SLC22A23: variants seen among roughly 807,000 people sequenced by gnomAD.
The protein encoded by SLC22A23 is ion transporter protein.
Under a neutral mutation model 61.0 loss-of-function variants are expected in SLC22A23, and 26 were observed. The ratio of observed to expected loss-of-function variants is 0.43; its 90% CI spans 0.31 to 0.59. SLC22A23 has a LOEUF of 0.59. Among genes scored for constraint, SLC22A23 ranks in the 20% least tolerant of loss-of-function variants. The probability of loss-of-function intolerance (pLI) is 0.11; values close to 1 mark genes in which losing one functional copy is unlikely to be tolerated. For missense variants in SLC22A23, 796 were observed against 934.7 expected (o/e 0.85, Z 1.94); for synonymous variants, 430 against 413.9 (o/e 1.04, Z -0.47).
At chr6:3,422,539 T>C (rs1293835308) in intron 1 of SLC22A23, among the ~76,000 whole-genome samples, 1 of 152,190 alleles carries the variant, frequency 6.6e-6, no homozygotes, top group Non-Finnish European at 1.5e-5. Flanking sequence ...CAAGATATAC[T>C]GCATGACTTG....
At position 3,372,899 on chromosome 6, in the gene SLC22A23, C is replaced by T. The variant is rs1766316951; in HGVS notation, c.913+37289G>A. On this transcript the variant is annotated intron_variant, in intron 3 of 9. Transcript: ENST00000406686. This position sits in a 1 kb window ranked among gnomAD's most constrained non-coding sequence, Gnocchi z 4.7. ...GAGTCAGGATTCTTCCGTAAAACTC[C>T]AATTAGCCAAAAGCTTGCCCAGTCC... Among the ~76,000 whole-genome samples, 1 of 152,172 alleles carries T rather than the reference C, an allele frequency of 6.6e-6. No individual in the cohort carries two copies. Among genetic ancestry groups the T allele is most frequent in the African/African-American group, 2.4e-5 (1 of 41,432 alleles).
chr6:3,336,120 TCTC>T (rs1414754260), intron 3 of SLC22A23, among the ~76,000 whole-genome samples: 4 of 151,644 alleles, frequency 2.6e-5, no homozygotes, highest in Non-Finnish European at 4.4e-5. Flanking sequence ...TCTGGACTCT[TCTC>T]CTAGGAGTGC....
chr6:3,364,377 G>C (rs575609866), intron 3 of SLC22A23, among the ~76,000 whole-genome samples: 2 of 152,324 alleles, frequency 1.3e-5, no homozygotes, highest in Non-Finnish European at 2.9e-5. Context: ...ACAGAGCTAA[G>C]AAGGTCTCAA....
chr6:3,281,660 G>A (rs982292755), intron 9 of SLC22A23, among the ~76,000 whole-genome samples: 3 of 152,010 alleles, frequency 2.0e-5, no homozygotes, highest in Non-Finnish European at 4.4e-5. Context: ...TGAAGTGGGG[G>A]GATGGTAGGG....
At chr6:3,448,837 T>C (rs114733279) in intron 1 of SLC22A23, among the ~76,000 whole-genome samples, 2,066 of 152,264 alleles carry the variant, frequency 0.014, 19 homozygotes, top group African/African-American at 0.019. Context: ...CTCAATCCTA[T>C]CTTGGACTAA....
rs1001530591 is a variant in SLC22A23 at position 3,322,694 on chromosome 6, A to G, written c.1082+1140T>C. On this transcript the variant is annotated intron_variant, in intron 4 of 9. Transcript: ENST00000406686. This position sits in a 1 kb window ranked among gnomAD's most constrained non-coding sequence, Gnocchi z 4.1. The stretch of plus-strand genomic sequence containing the variant: ...AACCGCACCTGCACCCTCGCAGTAC[A>G]TCTACTACCAGGGCAGGGGCGGGGG... 5.8e-4 allele frequency among the ~76,000 whole-genome samples: 89 copies of G among 152,164 alleles called. No homozygotes were observed. Among genetic ancestry groups the G allele is most frequent in the Non-Finnish European group, 6.6e-4 (45 of 68,020 alleles).
At chr6:3,442,160 G>A (rs553702722) in intron 1 of SLC22A23, among the ~76,000 whole-genome samples, 56 of 152,180 alleles carry the variant, frequency 3.7e-4, no homozygotes, top group Non-Finnish European at 6.5e-4. Flanking sequence ...ATCACGCTGA[G>A]CGACATGAGC....
At chr6:3,455,104 G>A (rs892133186) in intron 1 of SLC22A23, among the ~76,000 whole-genome samples, 3 of 152,118 alleles carry the variant, frequency 2.0e-5, no homozygotes, top group African/African-American at 7.2e-5. Context: ...CTGTGTTTAG[G>A]CCTTCACACT....
At chr6:3,443,935 A>G (rs1771748505) in intron 1 of SLC22A23, among the ~76,000 whole-genome samples, 1 of 152,176 alleles carries the variant, frequency 6.6e-6, no homozygotes, top group Non-Finnish European at 1.5e-5. Flanking sequence ...GTGTCCTAAA[A>G]GACACTCCCC....
chr6:3,300,989 A>AT (rs11430115), intron 4 of SLC22A23, among the ~76,000 whole-genome samples: 123,825 of 151,884 alleles, frequency 0.82, 50,707 homozygotes, highest in Non-Finnish European at 0.83. Flanking sequence ...GCAGGCACTG[A>AT]TTTTTTTTAA....
intron 3 of SLC22A23, among the ~76,000 whole-genome samples, chr6:3,335,343 T>C (rs1401256564): frequency 1.3e-5 from 2 of 152,188 alleles, no homozygotes; most frequent in African/African-American, 4.8e-5. Flanking sequence ...TTGGGCCATC[T>C]TGTTTTTGAC....
chr6:3,307,333 C>G (rs913403671), intron 4 of SLC22A23, among the ~76,000 whole-genome samples: 2 of 152,028 alleles, frequency 1.3e-5, no homozygotes, highest in East Asian at 1.9e-4. Context: ...GAGGTCTCGT[C>G]TGAAGGTGAA....
chr6:3,383,702 C>T (rs926708779), intron 3 of SLC22A23, among the ~76,000 whole-genome samples: 4 of 151,788 alleles, frequency 2.6e-5, no homozygotes, highest in African/African-American at 7.3e-5. Context: ...AGTGTTCTGG[C>T]GAAAGTCCAG....
chr6:3,337,256 C>T (rs114543339), intron 3 of SLC22A23, among the ~76,000 whole-genome samples: 2,165 of 152,296 alleles, frequency 0.014, 34 homozygotes, highest in Middle Eastern at 0.041. Context: ...TGGAGCAAAT[C>T]GCCAGCCCAC....
intron 5 of SLC22A23, 161 bp from the exon 6 acceptor site, chr6:3,290,027 C>G (rs541847879): frequency 1.5e-6 from 1 of 663,752 alleles, no homozygotes; most frequent in South Asian, 1.7e-5. Context: ...TCTAGGTTTC[C>G]AGGATAGAAA....
At chr6:3,423,381 G>A (rs372988277) in intron 1 of SLC22A23, among the ~76,000 whole-genome samples, 1 of 152,126 alleles carries the variant, frequency 6.6e-6, no homozygotes, top group African/African-American at 2.4e-5. Flanking sequence ...GTTCTTATTC[G>A]TTTTGTACAG....
intron 3 of SLC22A23, among the ~76,000 whole-genome samples, chr6:3,326,216 A>G (rs1327160225): frequency 1.3e-5 from 2 of 152,210 alleles, no homozygotes; most frequent in African/African-American, 4.8e-5. Flanking sequence ...TCTTAGTGTG[A>G]CTGTCAATAT....
intron 3 of SLC22A23, among the ~76,000 whole-genome samples, chr6:3,404,839 C>A (rs1313782849): frequency 6.6e-6 from 1 of 152,066 alleles, no homozygotes. Flanking sequence ...GCAGTTTGCC[C>A]GCAGGGTTAG....
Position 3,428,489 on chromosome 6 carries a change from G to T in SLC22A23, c.655-12634C>A, listed in dbSNP as rs144036010. On this transcript the variant is annotated intron_variant, in intron 1 of 9. Transcript: ENST00000406686. ...TCTCGGGCTTCATGGGCTTGGCTTT[G>T]CGTAACAAGCCAGGGCACCTGAACT... 5.3e-3 allele frequency among the ~76,000 whole-genome samples: 805 copies of T among 152,240 alleles called. 2 individuals carry two copies. Among genetic ancestry groups the T allele is most frequent in the Non-Finnish European group, 9.1e-3 (622 of 68,028 alleles).
Sources: allele counts gnomAD v4.1 joint callset (sites outside exome capture counted in the v4.1 genomes callset), GRCh38; gene constraint gnomAD v4.1.1; non-coding constraint Gnocchi (gnomAD v3.1); transcripts MANE v1.5; gene names NCBI Gene and HGNC (gene_info 2026-07-23, HGNC 2026-07-21).